Variants in CFAP20DC observed in about 807,000 individuals in gnomAD.
CFAP20DC encodes the protein CFAP20 domain containing, also known as protein CFAP20DC.
CFAP20DC carries 84 observed loss-of-function variants against 101.7 expected under a neutral mutation model. That is an observed-to-expected ratio of 0.83 (90% CI 0.69 to 0.99). The LOEUF is 0.99. Among genes scored for constraint, CFAP20DC ranks in the 50% least tolerant of loss-of-function variants. The probability of loss-of-function intolerance (pLI) is 0.00; values close to 1 mark genes in which losing one functional copy is unlikely to be tolerated. For synonymous variants in CFAP20DC, 359 were observed against 351.2 expected, an observed-to-expected ratio of 1.02 and a Z score of -0.25; for missense variants, 1,007 against 970.3, an observed-to-expected ratio of 1.04 and a Z score of -0.50.
intron 4 of CFAP20DC, among the ~76,000 whole-genome samples, chr3:58,995,604 T>G (rs2093093744): frequency 6.6e-6 from 1 of 152,188 alleles, no homozygotes; most frequent in African/African-American, 2.4e-5. Context: ...AGAGATTTGG[T>G]TAAACATTAT....
intron 7 of CFAP20DC, among the ~76,000 whole-genome samples, chr3:58,877,734 A>G (rs1230718050): frequency 6.6e-6 from 1 of 152,140 alleles, no homozygotes; most frequent in Non-Finnish European, 1.5e-5. Context: ...CTTACTTCCT[A>G]TGCAATTTTG....
intron 6 of CFAP20DC, among the ~76,000 whole-genome samples, chr3:58,885,823 G>GT: frequency 1.3e-5 from 2 of 151,968 alleles, no homozygotes; most frequent in South Asian, 4.2e-4. Context: ...ATTCCATGGT[G>GT]TTTGTATACC....
In CFAP20DC at chr3:58,788,828, T is replaced by G. The variant is rs2072605849; in HGVS notation, c.2237+17567A>C. On this transcript the variant is annotated intron_variant, in intron 15 of 16. Coordinates refer to ENST00000482387, the MANE Select transcript of CFAP20DC (RefSeq NM_001394063.1). The surrounding 1 kb of genome is among the most constrained non-coding windows in gnomAD (Gnocchi z 4.2). The stretch of plus-strand genomic sequence containing the variant: ...TGACCCTACTGGGTTGTAGCAGGGA[T>G]TAAATAAACTAGTCATCCCTCAGTA... Among the ~76,000 whole-genome samples the G allele has an allele frequency of 6.6e-6, 1 of 152,120 alleles. No homozygotes were observed.
intron 12 of CFAP20DC, among the ~76,000 whole-genome samples, chr3:58,858,733 T>C (rs2079027504): frequency 6.6e-6 from 1 of 152,240 alleles, no homozygotes; most frequent in Non-Finnish European, 1.5e-5. Context: ...ATGGTAGTTT[T>C]GAATTTGTAA....
At chr3:59,025,590 G>C (rs922729493) in intron 4 of CFAP20DC, among the ~76,000 whole-genome samples, 12 of 152,042 alleles carry the variant, frequency 7.9e-5, no homozygotes, top group Admixed American at 7.9e-4. Flanking sequence ...TATAATATCA[G>C]CCCCATTGTA....
intron 14 of CFAP20DC, among the ~76,000 whole-genome samples, chr3:58,807,633 AACTGG>A (rs1353869045): frequency 7.9e-5 from 12 of 152,196 alleles, no homozygotes; most frequent in Non-Finnish European, 1.3e-4. Flanking sequence ...AGAGCACAAA[AACTGG>A]AAACTCTAAA....
In CFAP20DC at chr3:59,049,972, C is replaced by A; in HGVS notation, c.-341G>T. ...CCAGTCGCGGAGCCACAGACAACCGCCCGCTGGCCTAGGAAAAGCGGGCGC... is the reference window on the plus strand; with the variant it reads ...CCAGTCGCGGAGCCACAGACAACCGACCGCTGGCCTAGGAAAAGCGGGCGC... On this transcript the variant is annotated 5_prime_UTR_variant, in exon 1 of 17. Transcript: ENST00000482387. The A allele has an allele frequency of 3.4e-6, 1 of 292,058 alleles. No homozygotes were observed. The highest frequency in any genetic ancestry group is 6.4e-6 in the Non-Finnish European group (1 of 156,920). 18.1% of individuals were successfully genotyped at this position (292,058 alleles called of 1,614,324 possible).
Position 58,913,279 on chromosome 3 carries a change from G to T in CFAP20DC, c.550+429C>A, listed in dbSNP as rs2084333712. ...GTGGGTGGAGGTGGCAAATGGATGGGGTTGTCCTTAGATAAGTCTTGTGGG... is the reference window on the plus strand; with the variant it reads ...GTGGGTGGAGGTGGCAAATGGATGGTGTTGTCCTTAGATAAGTCTTGTGGG... On this transcript the variant is annotated intron_variant, in intron 6 of 16. Coordinates refer to ENST00000482387, the MANE Select transcript of CFAP20DC (RefSeq NM_001394063.1). The surrounding 1 kb of genome is among the most constrained non-coding windows in gnomAD (Gnocchi z 4.4). 6.6e-6 allele frequency among the ~76,000 whole-genome samples: 1 copy of T among 152,002 alleles called. No individual in the cohort carries two copies.
intron 15 of CFAP20DC, among the ~76,000 whole-genome samples, chr3:58,769,032 C>A (rs1375427452): frequency 1.3e-5 from 2 of 152,306 alleles, no homozygotes; most frequent in South Asian, 2.1e-4. Context: ...AATACCAGGG[C>A]TGCTGCCACC....
chr3:58,830,793 C>T lies in CFAP20DC; in HGVS notation c.2175+893G>A, dbSNP rs116765063. 4.2e-3 allele frequency among the ~76,000 whole-genome samples: 639 copies of T among 152,262 alleles called. 3 individuals are homozygous for T. The highest frequency in any genetic ancestry group is 0.015 in the African/African-American group (614 of 41,556). ...TGTAGCCTTATAAGTAAATGTTTCT[C>T]AGGCCTGTGGAGGTCTTAAAATGGC... On this transcript the variant is annotated intron_variant, in intron 14 of 16. Transcript: ENST00000482387.
At chr3:58,883,283 G>T (rs2081359377) in intron 7 of CFAP20DC, among the ~76,000 whole-genome samples, 1 of 152,134 alleles carries the variant, frequency 6.6e-6, no homozygotes, top group South Asian at 2.1e-4. Context: ...AGCCTGGATT[G>T]CTGCAGAGAC....
rs1162049309 is a variant in CFAP20DC, at chr3:59,010,566, A to G, written c.278+28991T>C. ...AAGCTCCCAAATTCATACAACAATT[A>G]CTACTAGGCCTAAGAAATGAGGTAG... On this transcript the variant is annotated intron_variant, in intron 4 of 16. Coordinates refer to ENST00000482387, the MANE Select transcript of CFAP20DC (RefSeq NM_001394063.1). 2.0e-5 allele frequency among the ~76,000 whole-genome samples: 3 copies of G among 152,150 alleles called. No individual in the cohort carries two copies. In the East Asian group the frequency reaches 5.8e-4, roughly 29 times the overall value.
chr3:59,034,414 G>A (rs1234888030), intron 4 of CFAP20DC, among the ~76,000 whole-genome samples: 2 of 152,164 alleles, frequency 1.3e-5, no homozygotes, highest in African/African-American at 4.8e-5. Flanking sequence ...TGGATGAAGA[G>A]TCAAGAACCA....
At chr3:58,767,982 C>T (rs553237617) in intron 15 of CFAP20DC, among the ~76,000 whole-genome samples, 3 of 152,258 alleles carry the variant, frequency 2.0e-5, no homozygotes, top group South Asian at 4.1e-4. Flanking sequence ...TACTTGTATG[C>T]GTTTCTCCTA....
At chr3:58,745,441 C>G (rs1418245609) in intron 16 of CFAP20DC, among the ~76,000 whole-genome samples, 2 of 152,106 alleles carry the variant, frequency 1.3e-5, no homozygotes, top group African/African-American at 4.8e-5. Flanking sequence ...TAAGAGCACT[C>G]AAGGGCTCTA....
chr3:58,999,443 G>T (rs1251729596), intron 4 of CFAP20DC, among the ~76,000 whole-genome samples: 1 of 152,174 alleles, frequency 6.6e-6, no homozygotes, highest in Admixed American at 6.5e-5. Context: ...CTATCTGAAT[G>T]TAACAAGAGT....
intron 15 of CFAP20DC, among the ~76,000 whole-genome samples, chr3:58,768,159 A>T (rs1019409965): frequency 6.6e-6 from 1 of 152,058 alleles, no homozygotes; most frequent in African/African-American, 2.4e-5. Context: ...CACCCAACCT[A>T]ATAAGGGCCA....
intron 5 of CFAP20DC, among the ~76,000 whole-genome samples, chr3:58,918,777 T>A (rs895059608): frequency 6.6e-6 from 1 of 152,188 alleles, no homozygotes. Flanking sequence ...CACTTACTAG[T>A]TACATAATGT....
At chr3:58,769,527 T>C (rs926941941) in intron 15 of CFAP20DC, among the ~76,000 whole-genome samples, 2 of 152,084 alleles carry the variant, frequency 1.3e-5, no homozygotes, top group Non-Finnish European at 1.5e-5. Context: ...GAAAGACATA[T>C]AGATGAGAGC....
Sources: allele counts gnomAD v4.1 joint callset (sites outside exome capture counted in the v4.1 genomes callset), GRCh38; gene constraint gnomAD v4.1.1; non-coding constraint Gnocchi (gnomAD v3.1); transcripts MANE v1.5; gene names NCBI Gene and HGNC (gene_info 2026-07-23, HGNC 2026-07-21).